NAALAD2: variants seen among roughly 807,000 people sequenced by gnomAD.
The protein encoded by NAALAD2 is N-acetylated alpha-linked acidic dipeptidase 2, also known as N-acetylated-alpha-linked acidic dipeptidase 2.
NAALAD2 carries 89 observed loss-of-function variants against 95.6 expected under a neutral mutation model. The ratio of observed to expected loss-of-function variants is 0.93; its 90% CI spans 0.78 to 1.11. NAALAD2 has a LOEUF of 1.11. Among genes scored for constraint, NAALAD2 ranks in the 50% least tolerant of loss-of-function variants. The probability of loss-of-function intolerance (pLI) is 0.00; values close to 1 mark genes in which losing one functional copy is unlikely to be tolerated. For synonymous variants in NAALAD2, 264 were observed against 294.4 expected (o/e 0.90, Z 1.06); for missense variants, 894 against 872.4 (o/e 1.02, Z -0.31).
Position 90,176,050 on chromosome 11 carries a change from C to A in NAALAD2, c.1581C>A (p.Tyr527Ter), listed in dbSNP as rs746616722. 1.2e-6 allele frequency: 2 copies of A among 1,612,824 alleles called. No individual in the cohort carries two copies. The highest frequency in any genetic ancestry group is 1.6e-4 in the Middle Eastern group (1 of 6,062). Residue 527 changes from tyrosine to a stop codon, truncating the protein, a stop_gained, in exon 15 of 19, where the codon TAC (tyrosine) becomes TAA (stop). Coordinates refer to ENST00000534061, the MANE Select transcript of NAALAD2 (RefSeq NM_005467.4). LOFTEE classifies it high-confidence loss of function. ...RLGIASGRAR[Y>*]TKNKKTDKYS... ...GAATTGCTTCAGGCAGAGCCCGTTA[C>A]ACTAAGAATAAGGTAAGCCATTTTA...
At chr11:90,133,976 G>A (rs1263126492), upstream of NAALAD2, among the ~76,000 whole-genome samples, 1 of 152,134 alleles carries the variant, frequency 6.6e-6, no homozygotes, top group African/African-American at 2.4e-5. Context: ...TGGTCAGAGA[G>A]ACCCCCTGGC....
At position 90,147,471 on chromosome 11, in the gene NAALAD2, G is replaced by A; in HGVS notation, c.336G>A (p.Glu112=). The change falls in exon 3 of 19, where the codon GAG becomes GAA. Residue 112 remains glutamate, a synonymous_variant. Transcript: ENST00000534061. ...ATGTCCTCTTATCTTACCCCAATGA[G>A]ACAAATGCCAACTATATATCGATTG... ...HYDVLLSYPN[E]TNANYISIVD... is the part of the protein sequence containing the mutation. The A allele has an allele frequency of 1.2e-6, 2 of 1,613,122 alleles. No individual in the cohort carries two copies. Among genetic ancestry groups the A allele is most frequent in the South Asian group, 2.2e-5 (2 of 90,894 alleles).
intron 4 of NAALAD2, 134 bp downstream of exon 4, chr11:90,149,241 A>T (rs1437382976): frequency 2.4e-6 from 1 of 424,182 alleles, no homozygotes; most frequent in Non-Finnish European, 4.3e-6. Flanking sequence ...CAGTACTATG[A>T]AAACCTCATC....
intron 18 of NAALAD2, among the ~76,000 whole-genome samples, chr11:90,185,664 T>C (rs551961068): frequency 2.0e-5 from 3 of 152,162 alleles, no homozygotes; most frequent in African/African-American, 7.2e-5. Flanking sequence ...AAGATTTTTT[T>C]TCATTTTTTT....
chr11:90,134,490 C>A, upstream of NAALAD2: 1 of 453,486 alleles, frequency 2.2e-6, no homozygotes, highest in South Asian at 3.2e-5. Context: ...GCTCCCGCCA[C>A]CTACTATGTC....
chr11:90,168,870 T>G, intron 11 of NAALAD2, 59 bp from the exon 12 acceptor site: 1 of 1,360,458 alleles, frequency 7.4e-7, no homozygotes, highest in Non-Finnish European at 1.0e-6. Flanking sequence ...TTGCTTATTT[T>G]GTTTACATTT....
chr11:90,153,271 T>G (rs1017586340), intron 6 of NAALAD2, among the ~76,000 whole-genome samples: 1 of 152,202 alleles, frequency 6.6e-6, no homozygotes, highest in Non-Finnish European at 1.5e-5. Context: ...AGACCTTGTA[T>G]GTACATGTTC....
intron 7 of NAALAD2, 174 bp downstream of exon 7, chr11:90,158,412 A>G: frequency 5.7e-6 from 3 of 526,074 alleles, no homozygotes; most frequent in Non-Finnish European, 6.6e-6. Context: ...TAGTCATTTT[A>G]GTGACTAAGA....
At chr11:90,134,469 C>T, upstream of NAALAD2, 1 of 394,496 alleles carries the variant, frequency 2.5e-6, no homozygotes, top group Non-Finnish European at 4.6e-6. Context: ...AAATTAGGGA[C>T]GTTTTCAGCA....
At chr11:90,138,412 C>T (rs375260825) in intron 2 of NAALAD2, among the ~76,000 whole-genome samples, 1 of 151,992 alleles carries the variant, frequency 6.6e-6, no homozygotes, top group Non-Finnish European at 1.5e-5. Context: ...TTTGCTTTTT[C>T]TTTTCTCTAA....
Position 90,175,928 on chromosome 11 carries a change from ATGTGTGTGTGTG to A in NAALAD2, c.1503-31_1503-20del. The A allele has an allele frequency of 4.1e-6, 4 of 971,990 alleles. No individual in the cohort carries two copies. In the South Asian group the frequency reaches 4.1e-5, roughly 10 times the overall value. The allele number at this position is 971,990 out of a possible 1,614,324, so 60.2% of individuals were successfully genotyped here. ...TTAACTTTGTATCATTTACTTGTTT[ATGTGTGTGTGTG>A]TGTGTGTGTGTGGATTGCATTCTAC... On this transcript the variant is annotated intron_variant, in intron 14 of 18. Coordinates refer to ENST00000534061, the MANE Select transcript of NAALAD2 (RefSeq NM_005467.4).
intron 11 of NAALAD2, among the ~76,000 whole-genome samples, chr11:90,168,724 C>G (rs1044650569): frequency 3.9e-5 from 6 of 152,066 alleles, no homozygotes; most frequent in African/African-American, 1.4e-4. Context: ...TTCATAGTAT[C>G]CTTAATTCTT....
At chr11:90,152,876 T>A (rs1259406710) in intron 6 of NAALAD2, among the ~76,000 whole-genome samples, 1 of 106,148 alleles carries the variant, frequency 9.4e-6, no homozygotes, top group Non-Finnish European at 1.9e-5. Flanking sequence ...ATTACATTTT[T>A]TAAAAAAATG....
At chr11:90,170,314 T>C (rs927257065) in intron 13 of NAALAD2, among the ~76,000 whole-genome samples, 178 bp downstream of exon 13, 6 of 152,250 alleles carry the variant, frequency 3.9e-5, no homozygotes, top group African/African-American at 1.4e-4. Context: ...TAAGAAGATA[T>C]TATCACCAGC....
intron 8 of NAALAD2, among the ~76,000 whole-genome samples, chr11:90,160,631 G>A (rs963048035): frequency 6.6e-6 from 1 of 152,136 alleles, no homozygotes; most frequent in Non-Finnish European, 1.5e-5. Context: ...TCTAATTTGT[G>A]TATGCCCTCC....
chr11:90,177,671 T>C (rs565595194), intron 15 of NAALAD2, among the ~76,000 whole-genome samples, 182 bp from the exon 16 acceptor site: 2 of 109,060 alleles, frequency 1.8e-5, no homozygotes, highest in East Asian at 5.6e-4. Context: ...CAGGCTGGTC[T>C]TGAACTCCTG....
chr11:90,177,289 G>A (rs1952819901), intron 15 of NAALAD2, among the ~76,000 whole-genome samples: 1 of 151,160 alleles, frequency 6.6e-6, no homozygotes, highest in Non-Finnish European at 1.5e-5. Context: ...TCATCCTTAA[G>A]CTGTGTACTT....
chr11:90,182,099 G>C (rs1172776877), intron 17 of NAALAD2, among the ~76,000 whole-genome samples: 1 of 152,000 alleles, frequency 6.6e-6, no homozygotes, highest in African/African-American at 2.4e-5. Flanking sequence ...GAGTTTAAGT[G>C]CGTTTGTAAT....
At chr11:90,181,594 C>T in intron 16 of NAALAD2, 26 bp from the exon 17 acceptor site, 1 of 1,491,546 alleles carries the variant, frequency 6.7e-7, no homozygotes, top group Non-Finnish European at 9.3e-7. Flanking sequence ...GCTAATTTCT[C>T]TTCTTCTTTT....
Sources: allele counts gnomAD v4.1 joint callset (sites outside exome capture counted in the v4.1 genomes callset), GRCh38; gene constraint gnomAD v4.1.1; transcripts MANE v1.5; gene names NCBI Gene and HGNC (gene_info 2026-07-23, HGNC 2026-07-21).